The following DSCAM variants were observed in gnomAD, a reference collection of about 807,000 sequenced individuals.
The protein encoded by DSCAM is DS cell adhesion molecule.
Under a neutral mutation model 217.7 loss-of-function variants are expected in DSCAM, and 47 were observed. The ratio of observed to expected loss-of-function variants is 0.22; its 90% CI spans 0.17 to 0.28. The LOEUF (loss-of-function observed/expected upper bound fraction) is 0.28, where lower values mean the gene tolerates loss of function less well. DSCAM is among the 10% of genes least tolerant of loss of function. The pLI is 1.00. For missense variants in DSCAM, 2,080 were observed against 2,618.3 expected (o/e 0.79, Z 4.49); for synonymous variants, 1,056 against 1,015.3 (o/e 1.04, Z -0.76).
intron 8 of DSCAM, among the ~76,000 whole-genome samples, chr21:40,330,898 T>C (rs1218232825): frequency 6.6e-6 from 1 of 152,142 alleles, no homozygotes; most frequent in Non-Finnish European, 1.5e-5. Context: ...ATTCTATTTT[T>C]CCCCAGGTCT....
At chr21:40,528,910 T>A (rs1349748705) in intron 3 of DSCAM, among the ~76,000 whole-genome samples, 1 of 139,008 alleles carries the variant, frequency 7.2e-6, no homozygotes, top group Non-Finnish European at 1.5e-5. Context: ...TTTTTTTTTT[T>A]TTTTTTTTTT....
intron 3 of DSCAM, among the ~76,000 whole-genome samples, chr21:40,628,894 T>C (rs941153525): frequency 2.0e-5 from 3 of 152,180 alleles, no homozygotes; most frequent in Admixed American, 1.3e-4. Context: ...ACTACAGGCA[T>C]GCACCACCAT....
chr21:40,383,196 T>G (rs2075044431), intron 3 of DSCAM: 1 of 151,962 alleles, frequency 6.6e-6, no homozygotes, highest in Admixed American at 6.6e-5. Context: ...GGCGTGGTGG[T>G]GTGCGCCTGG....
At chr21:40,367,710 C>T (rs1010397782) in intron 4 of DSCAM, among the ~76,000 whole-genome samples, 1 of 152,186 alleles carries the variant, frequency 6.6e-6, no homozygotes, top group African/African-American at 2.4e-5. Context: ...CTTCTCCTGG[C>T]ATCTATCACC....
intron 3 of DSCAM, among the ~76,000 whole-genome samples, chr21:40,687,084 G>T (rs1223035805): frequency 6.6e-6 from 1 of 152,024 alleles, no homozygotes; most frequent in East Asian, 1.9e-4. Flanking sequence ...TTAAAATGAG[G>T]TTCTTATTTA....
chr21:40,543,502 A>G (rs2076557583), intron 3 of DSCAM, among the ~76,000 whole-genome samples: 1 of 152,152 alleles, frequency 6.6e-6, no homozygotes, highest in Non-Finnish European at 1.5e-5. Context: ...CATTAAGCAG[A>G]ATGTCAGGTT....
chr21:40,187,283 C>A lies in DSCAM; in HGVS notation c.2651-24G>T, dbSNP rs368137392. 22 of 1,612,190 alleles carry A rather than the reference C, an allele frequency of 1.4e-5. 1 individual carries two copies. The highest frequency in any genetic ancestry group is 1.4e-5 in the Non-Finnish European group (17 of 1,179,156). On this transcript the variant is annotated intron_variant, in intron 13 of 32. Transcript: ENST00000400454. ...CTCTGTGCCATCAACAGAAAGACTA[C>A]GAGTTAGTTCAAACAGAGCTCTGAC...
intron 4 of DSCAM, 35 bp downstream of exon 4, chr21:40,369,064 C>G (rs368773669): frequency 1.3e-6 from 2 of 1,556,944 alleles, no homozygotes; most frequent in African/African-American, 2.7e-5. Context: ...AAAGAAATAG[C>G]AGACATAGCA....
intron 1 of DSCAM, among the ~76,000 whole-genome samples, chr21:40,799,292 T>C (rs1235236769): frequency 3.9e-5 from 6 of 152,164 alleles, no homozygotes; most frequent in Non-Finnish European, 8.8e-5. Flanking sequence ...ATAGGTAAAT[T>C]GAGAGCTAAC....
At chr21:40,233,487 TTATG>T (rs1419356750) in intron 11 of DSCAM, among the ~76,000 whole-genome samples, 1 of 152,164 alleles carries the variant, frequency 6.6e-6, no homozygotes, top group Non-Finnish European at 1.5e-5. Flanking sequence ...CAATATGTTC[TTATG>T]TATGATACAC....
At chr21:40,451,622 A>C (rs1301304496) in intron 3 of DSCAM, among the ~76,000 whole-genome samples, 3 of 152,220 alleles carry the variant, frequency 2.0e-5, no homozygotes, top group African/African-American at 7.2e-5. Flanking sequence ...CCATGTGCCA[A>C]AGCACAACAA....
intron 1 of DSCAM, among the ~76,000 whole-genome samples, chr21:40,732,904 A>G (rs181520837): frequency 6.6e-6 from 1 of 152,218 alleles, no homozygotes; most frequent in Non-Finnish European, 1.5e-5. Context: ...CTGCTTTTCT[A>G]TGCTGGGTAA....
intron 11 of DSCAM, among the ~76,000 whole-genome samples, chr21:40,201,909 T>C (rs1444249937): frequency 6.6e-6 from 1 of 152,216 alleles, no homozygotes; most frequent in South Asian, 2.1e-4. Flanking sequence ...AAATATATTA[T>C]GAGCCATGGG....
chr21:40,123,157 A>AT (rs2090053446), intron 20 of DSCAM, among the ~76,000 whole-genome samples: 1 of 152,106 alleles, frequency 6.6e-6, no homozygotes, highest in Non-Finnish European at 1.5e-5. Context: ...AGGATAGGGA[A>AT]TTCGTGTTTA....
At chr21:40,379,196 G>A (rs1211243505) in intron 3 of DSCAM, among the ~76,000 whole-genome samples, 1 of 152,164 alleles carries the variant, frequency 6.6e-6, no homozygotes, top group Non-Finnish European at 1.5e-5. Flanking sequence ...TTAGAGGAAG[G>A]GGAGGAGAAA....
intron 32 of DSCAM, among the ~76,000 whole-genome samples, chr21:40,037,719 A>G (rs2088653447): frequency 6.8e-6 from 1 of 147,354 alleles, no homozygotes; most frequent in African/African-American, 2.5e-5. Context: ...GGCAATCCTA[A>G]GCCAAAAGAA....
intron 3 of DSCAM, among the ~76,000 whole-genome samples, chr21:40,422,475 A>ATAT (rs5844015): frequency 0.01 from 1,528 of 151,498 alleles, 31 homozygotes; most frequent in African/African-American, 0.032. Flanking sequence ...ACTAAAAAAA[A>ATAT]ATATATATAT....
chr21:40,301,456 A>C (rs1272338431), intron 9 of DSCAM, among the ~76,000 whole-genome samples: 4 of 152,204 alleles, frequency 2.6e-5, no homozygotes, highest in Admixed American at 2.0e-4. Context: ...CTGGGTCTTC[A>C]CACAGGCTTC....
intron 1 of DSCAM, among the ~76,000 whole-genome samples, chr21:40,709,421 G>A (rs750145813): frequency 1.3e-5 from 2 of 152,234 alleles, no homozygotes; most frequent in South Asian, 2.1e-4. Context: ...TACACGTGCC[G>A]TGGTGGTTTG....
Sources: allele counts gnomAD v4.1 joint callset (sites outside exome capture counted in the v4.1 genomes callset), GRCh38; gene constraint gnomAD v4.1.1; transcripts MANE v1.5; gene names NCBI Gene and HGNC (gene_info 2026-07-23, HGNC 2026-07-21).